TSC22D2: variants seen among roughly 807,000 people sequenced by gnomAD.
TSC22D2 encodes TSC22 domain family member 2.
TSC22D2 carries 5 observed loss-of-function variants against 50.1 expected under a neutral mutation model. The observed-to-expected ratio is 0.10, with a 90% CI of 0.05 to 0.21. The LOEUF is 0.21. TSC22D2 is among the 10% of genes least tolerant of loss of function. The pLI is 1.00. For synonymous variants in TSC22D2, 501 were observed against 450.1 expected (o/e 1.11, Z -1.43); for missense variants, 1,003 against 1,015.5 (o/e 0.99, Z 0.17).
rs534128948 is a variant in TSC22D2 at position 150,460,294 on chromosome 3, T to A, written c.*1658T>A. 1 of 152,190 alleles carries A rather than the reference T, an allele frequency of 6.6e-6. No homozygotes were observed. The highest frequency in any genetic ancestry group is 1.5e-5 in the Non-Finnish European group (1 of 68,022). 9.4% of individuals were successfully genotyped at this position (152,190 alleles called of 1,614,324 possible). ...TTTGTACTCAATATTCATATTATGT[T>A]AGTGATACTTAAGTAGGAAATCCTT... On this transcript the variant is annotated 3_prime_UTR_variant, in exon 3 of 3. Transcript: ENST00000688009.
intron 1 of TSC22D2, among the ~76,000 whole-genome samples, chr3:150,445,859 G>T (rs1381956699): frequency 6.6e-6 from 1 of 152,062 alleles, no homozygotes; most frequent in Non-Finnish European, 1.5e-5. Flanking sequence ...ACTTTGGGAG[G>T]CCGAGACAGG....
chr3:150,434,107 G>A (rs1243552872), intron 1 of TSC22D2, among the ~76,000 whole-genome samples: 2 of 151,236 alleles, frequency 1.3e-5, no homozygotes, highest in Non-Finnish European at 2.9e-5. Flanking sequence ...TTTCTTTTAT[G>A]TTAGCTATTA....
intron 1 of TSC22D2, chr3:150,423,305 C>T: frequency 2.4e-6 from 1 of 414,218 alleles, no homozygotes; most frequent in East Asian, 3.8e-5. Flanking sequence ...AGAAAATAAA[C>T]ATACTTTTCT....
intron 1 of TSC22D2, among the ~76,000 whole-genome samples, chr3:150,419,402 C>G (rs1164177381): frequency 6.6e-6 from 1 of 151,958 alleles, no homozygotes; most frequent in Non-Finnish European, 1.5e-5. Context: ...TAACCCTTTA[C>G]CTAAAGGATT....
chr3:150,451,987 A>G (rs925409993), intron 1 of TSC22D2, among the ~76,000 whole-genome samples: 5 of 152,116 alleles, frequency 3.3e-5, no homozygotes, highest in South Asian at 2.1e-4. Context: ...CTCCTGAGTA[A>G]CTAGGACCGT....
intron 1 of TSC22D2, among the ~76,000 whole-genome samples, chr3:150,430,656 T>C (rs988048571): frequency 6.6e-6 from 1 of 152,200 alleles, no homozygotes; most frequent in African/African-American, 2.4e-5. Flanking sequence ...GGCTGCAGAC[T>C]TGCAGGTTGG....
chr3:150,430,425 G>A (rs1332358845), intron 1 of TSC22D2, among the ~76,000 whole-genome samples: 1 of 152,132 alleles, frequency 6.6e-6, no homozygotes, highest in Non-Finnish European at 1.5e-5. Flanking sequence ...AGGAATTACA[G>A]GATTTTACAA....
chr3:150,410,048 A>G lies in TSC22D2; in HGVS notation c.698A>G (p.Gln233Arg). Reference protein sequence around the residue: ...GSVVVVVASMQGAHGPESGTD... With the variant: ...GSVVVVVASMRGAHGPESGTD... ...GTGGTGGTAGTAGTGGCCTCCATGC[A>G]GGGGGCGCACGGGCCCGAGTCGGGA... The change falls in exon 1 of 3, where the codon CAG (glutamine) becomes CGG (arginine). Residue 233 changes from glutamine to arginine, a missense_variant. Gln to Arg is a conservative substitution (Grantham distance 43). This residue lies in a region of TSC22D2 where 696 missense variants were observed against 647.8 expected (regional missense o/e 1.07). Transcript: ENST00000688009. 2 of 1,613,106 alleles carry G rather than the reference A, an allele frequency of 1.2e-6. No homozygotes were observed. Among genetic ancestry groups the G allele is most frequent in the African/African-American group, 1.3e-5 (1 of 75,032 alleles).
rs141880383 is a variant in TSC22D2, at chr3:150,459,704, C to T, written c.*1068C>T. On this transcript the variant is annotated 3_prime_UTR_variant, in exon 3 of 3. Transcript: ENST00000688009. ...TGACCTATAATCTTTGAACCACTTT[C>T]GTACCTCATGTTTTTATCCAGCACT... 4 of 148,470 alleles carry T rather than the reference C, an allele frequency of 2.7e-5. No individual in the cohort carries two copies. The highest frequency in any genetic ancestry group is 2.1e-4 in the South Asian group (1 of 4,740). 9.2% of individuals were successfully genotyped at this position (148,470 alleles called of 1,614,324 possible). A position where few individuals can be genotyped will look rare whatever the true frequency, so the allele number is the denominator to read the frequency against.
chr3:150,417,760 A>G (rs1719866638), intron 1 of TSC22D2, among the ~76,000 whole-genome samples: 1 of 152,134 alleles, frequency 6.6e-6, no homozygotes, highest in South Asian at 2.1e-4. Context: ...ACCCCTTTAC[A>G]TGTTATAAAT....
At chr3:150,414,071 A>G (rs1037308139) in intron 1 of TSC22D2, among the ~76,000 whole-genome samples, 4 of 152,234 alleles carry the variant, frequency 2.6e-5, no homozygotes, top group African/African-American at 9.6e-5. Flanking sequence ...TTATAATTAA[A>G]GAACCGGGCC....
At position 150,410,467 on chromosome 3, in the gene TSC22D2, C is replaced by A; in HGVS notation, c.1117C>A (p.Gln373Lys). 2 of 1,608,542 alleles carry A rather than the reference C, an allele frequency of 1.2e-6. No individual in the cohort carries two copies. The stretch of plus-strand genomic sequence containing the variant: ...ACCGCCCGGACATTTGCTGCCCGTC[C>A]AGCCCTCCGGCCAGAGTGAGTACCT... The part of the protein sequence containing the change: ...QIPPGHLLPV[Q>K]PSGQSEYLQQ... The change falls in exon 1 of 3, where the codon CAG becomes AAG. Residue 373 changes from glutamine (Q) to lysine (K), a missense_variant. By Grantham distance (53) the Gln-to-Lys change is moderately conservative. Coordinates refer to ENST00000688009, the MANE Select transcript of TSC22D2 (RefSeq NM_001303264.2).
chr3:150,411,219 C>T lies in TSC22D2; in HGVS notation c.1869C>T (p.Ser623=), dbSNP rs1397597157. 2.5e-6 allele frequency: 4 copies of T among 1,614,170 alleles called. No individual in the cohort carries two copies. The highest frequency in any genetic ancestry group is 2.2e-5 in the South Asian group (2 of 91,090). ...KPVVKPPVAD[S]LANPLQLTPM... is the part of the protein sequence containing the mutation. ...TTGTGAAGCCGCCTGTTGCAGATTC[C>T]CTGGCAAACCCCCTTCAGTTAACAC... The change falls in exon 1 of 3, where the codon TCC becomes TCT. Residue 623 remains serine (S), a synonymous_variant. Coordinates refer to ENST00000688009, the MANE Select transcript of TSC22D2 (RefSeq NM_001303264.2).
chr3:150,460,401 A>G lies in TSC22D2; in HGVS notation c.*1765A>G, dbSNP rs1438565038. 1 of 152,238 alleles carries G rather than the reference A, an allele frequency of 6.6e-6. No homozygotes were observed. The highest frequency in any genetic ancestry group is 1.5e-5 in the Non-Finnish European group (1 of 68,034). The allele number at this position is 152,238 out of a possible 1,614,324, so 9.4% of individuals were successfully genotyped here. On this transcript the variant is annotated 3_prime_UTR_variant, in exon 3 of 3. Coordinates refer to ENST00000688009, the MANE Select transcript of TSC22D2 (RefSeq NM_001303264.2). The stretch of plus-strand genomic sequence containing the variant: ...TGCATCTGTAGCCAGCTAGCTAATC[A>G]GAGTTAATGAGAACCAGTAGTTAGT...
At chr3:150,413,590 TAAAA>T (rs200133245) in intron 1 of TSC22D2, among the ~76,000 whole-genome samples, 6 of 138,044 alleles carry the variant, frequency 4.3e-5, no homozygotes, top group Admixed American at 7.3e-5. Flanking sequence ...AAGCTTTGGT[TAAAA>T]AAAAAAAAAA....
At chr3:150,424,868 C>G (rs1259788938) in intron 1 of TSC22D2, among the ~76,000 whole-genome samples, 2 of 152,146 alleles carry the variant, frequency 1.3e-5, no homozygotes, top group African/African-American at 4.8e-5. Flanking sequence ...AAGGCCAACC[C>G]AATGGAAACT....
At position 150,465,687 on chromosome 3, in the gene TSC22D2, C is replaced by T. The variant is rs1721524072; in HGVS notation, c.*7051C>T. On this transcript the variant is annotated 3_prime_UTR_variant, in exon 3 of 3. Coordinates refer to ENST00000688009, the MANE Select transcript of TSC22D2 (RefSeq NM_001303264.2). ...CAGTCATCCAAGGTCAACCACAATACAAAAATATTAAATGGAAAATTCCAG... is the reference window on the plus strand; with the variant it reads ...CAGTCATCCAAGGTCAACCACAATATAAAAATATTAAATGGAAAATTCCAG... 6.6e-6 allele frequency: 1 copy of T among 152,114 alleles called. No homozygotes were observed. Among genetic ancestry groups the T allele is most frequent in the African/African-American group, 2.4e-5 (1 of 41,436 alleles). 9.4% of individuals were successfully genotyped at this position (152,114 alleles called of 1,614,324 possible). A position where few individuals can be genotyped will look rare whatever the true frequency, so the allele number is the denominator to read the frequency against.
intron 1 of TSC22D2, among the ~76,000 whole-genome samples, chr3:150,437,203 T>TA (rs1333393224): frequency 6.6e-6 from 1 of 152,162 alleles, no homozygotes; most frequent in African/African-American, 2.4e-5. Flanking sequence ...AGCTTTCTGG[T>TA]AAAATTTAAT....
chr3:150,450,944 G>T (rs1721023482), intron 1 of TSC22D2, among the ~76,000 whole-genome samples: 1 of 152,152 alleles, frequency 6.6e-6, no homozygotes, highest in Non-Finnish European at 1.5e-5. Flanking sequence ...GGAGTGGGTG[G>T]AATAAAAGTT....
Sources: gnomAD v4.1 joint callset for allele counts (sites outside exome capture counted in the v4.1 genomes callset) on GRCh38, gnomAD v4.1.1 for gene constraint, gnomAD v4.1.1 regional missense constraint, MANE v1.5 for transcripts, NCBI Gene and HGNC (gene_info 2026-07-23, HGNC 2026-07-21) for gene names.